NEBL: variants seen among roughly 807,000 people sequenced by gnomAD.
NEBL encodes nebulette.
A neutral mutation model predicts 140.2 loss-of-function variants in NEBL; 122 were observed. That is an observed-to-expected ratio of 0.87 (90% confidence interval 0.75 to 1.01). The LOEUF is 1.01. NEBL is among the 50% of genes least tolerant of loss of function. NEBL has a pLI of 0.00. For missense variants in NEBL, 1,365 were observed against 1,231.3 expected (o/e 1.11, Z -1.62); for synonymous variants, 436 against 398.9 (o/e 1.09, Z -1.11).
chr10:20,835,857 T>C (rs752627540), intron 13 of NEBL, among the ~76,000 whole-genome samples: 43 of 152,294 alleles, frequency 2.8e-4, no homozygotes, highest in Middle Eastern at 3.4e-3. Flanking sequence ...ACAAAGGCAA[T>C]TGCCATGTGA....
chr10:20,824,103 C>G (rs568377139), intron 18 of NEBL, among the ~76,000 whole-genome samples: 1 of 152,206 alleles, frequency 6.6e-6, no homozygotes, highest in South Asian at 2.1e-4. Flanking sequence ...ATTAGTGATA[C>G]TATCAATTCA....
intron 2 of NEBL, chr10:21,020,347 T>C (rs1334393506): frequency 1.4e-5 from 10 of 716,096 alleles, no homozygotes; most frequent in Non-Finnish European, 2.5e-5. Context: ...CATCTCTCTG[T>C]CATTATTCCA....
At chr10:21,239,514 T>C (rs1297400891) in intron 3 of NEBL, among the ~76,000 whole-genome samples, 1 of 152,014 alleles carries the variant, frequency 6.6e-6, no homozygotes, top group Non-Finnish European at 1.5e-5. Context: ...TGAAAGGACT[T>C]ATCTGCAAGA....
chr10:20,855,603 A>T (rs771927582), intron 9 of NEBL, among the ~76,000 whole-genome samples: 1 of 152,102 alleles, frequency 6.6e-6, no homozygotes, highest in Non-Finnish European at 1.5e-5. Context: ...CTTATATAAC[A>T]GTCTCTGCTA....
intron 4 of NEBL, among the ~76,000 whole-genome samples, chr10:20,942,291 T>C (rs1834913953): frequency 6.6e-6 from 1 of 152,176 alleles, no homozygotes; most frequent in Admixed American, 6.5e-5. Flanking sequence ...GCCGCATATC[T>C]ACAACCATCT....
At chr10:21,279,325 G>A (rs1463049195) in intron 1 of NEBL, among the ~76,000 whole-genome samples, 2 of 119,264 alleles carry the variant, frequency 1.7e-5, no homozygotes, top group African/African-American at 3.2e-5. Flanking sequence ...GTCTCCCTCT[G>A]CTCCCTCTGT....
At chr10:21,164,984 T>A (rs1840703431) in intron 2 of NEBL, among the ~76,000 whole-genome samples, 1 of 152,250 alleles carries the variant, frequency 6.6e-6, no homozygotes, top group East Asian at 1.9e-4. Context: ...TGCCACAATA[T>A]CCTTCCATAG....
intron 16 of NEBL, among the ~76,000 whole-genome samples, chr10:20,829,815 T>A (rs949771310): frequency 3.9e-5 from 6 of 152,160 alleles, no homozygotes; most frequent in Non-Finnish European, 8.8e-5. Flanking sequence ...GGTGTATATA[T>A]CATGGTTGTA....
At chr10:20,808,383 TA>T (rs1837803785) in intron 26 of NEBL, 126 bp downstream of exon 26, 1 of 1,021,384 alleles carries the variant, frequency 9.8e-7, no homozygotes. Flanking sequence ...TTTCTGAACT[TA>T]ATTTTAAATT....
intron 2 of NEBL, among the ~76,000 whole-genome samples, chr10:21,084,133 G>T (rs999751742): frequency 1.1e-4 from 16 of 152,256 alleles, no homozygotes; most frequent in Non-Finnish European, 2.1e-4. Context: ...TGTGGTCCCA[G>T]ATTGGGTATT....
intron 7 of NEBL, among the ~76,000 whole-genome samples, chr10:20,863,962 A>G (rs1230624507): frequency 6.6e-6 from 1 of 152,142 alleles, no homozygotes; most frequent in Non-Finnish European, 1.5e-5. Context: ...AGAATGGTAA[A>G]TTCCCCAAAC....
At chr10:21,192,484 G>A (rs973124482) in intron 3 of NEBL, among the ~76,000 whole-genome samples, 7 of 150,926 alleles carry the variant, frequency 4.6e-5, no homozygotes, top group African/African-American at 7.3e-5. Flanking sequence ...GAGCCACCGC[G>A]CCCGGCCAAT....
In NEBL at chr10:20,930,589, A is replaced by G. The variant is rs373511767; in HGVS notation, c.357+31083T>C. Among the ~76,000 whole-genome samples, 8 of 152,172 alleles carry G rather than the reference A, an allele frequency of 5.3e-5. No homozygotes were observed. In the South Asian group the frequency reaches 1.2e-3, roughly 24 times the overall value. ...CCTAGTCTCTCCTACTAAATCCTAC[A>G]CCAGTTCCCCTTTTGCTCAGTCCAG... On this transcript the variant is annotated intron_variant, in intron 4 of 6. Transcript: ENST00000417816.
chr10:21,051,530 A>G (rs1237143653), intron 2 of NEBL, among the ~76,000 whole-genome samples: 2 of 152,218 alleles, frequency 1.3e-5, no homozygotes, highest in Non-Finnish European at 2.9e-5. Context: ...AAATGAAAAG[A>G]GAATCAAAGT....
intron 1 of NEBL, among the ~76,000 whole-genome samples, chr10:21,286,772 G>A (rs1473578322): frequency 6.6e-6 from 1 of 152,126 alleles, no homozygotes; most frequent in African/African-American, 2.4e-5. Context: ...TTGGGAGGCG[G>A]AGGTTGCAGT....
chr10:21,078,567 C>T (rs11012513), intron 2 of NEBL, among the ~76,000 whole-genome samples: 15,775 of 152,180 alleles, frequency 0.1, 869 homozygotes, highest in South Asian at 0.16. Flanking sequence ...AGCCCCCATC[C>T]CTCAGTTTTT....
intron 4 of NEBL, among the ~76,000 whole-genome samples, chr10:20,960,769 T>A (rs1343358583): frequency 6.6e-6 from 1 of 151,958 alleles, no homozygotes; most frequent in African/African-American, 2.4e-5. Flanking sequence ...CAAATATCAG[T>A]GAGTTTAAAA....
intron 2 of NEBL, among the ~76,000 whole-genome samples, chr10:21,027,276 T>C (rs558198480): frequency 1.3e-5 from 2 of 151,310 alleles, no homozygotes; most frequent in South Asian, 2.1e-4. Context: ...GGAAGAAGTA[T>C]ACTAAATATT....
At chr10:21,282,197 T>C (rs184481406) in intron 1 of NEBL, among the ~76,000 whole-genome samples, 21 of 152,260 alleles carry the variant, frequency 1.4e-4, no homozygotes, top group African/African-American at 4.8e-4. Flanking sequence ...CAGAAGTGAA[T>C]ATGTAGATTT....
Sources: gnomAD v4.1 joint callset for allele counts (sites outside exome capture counted in the v4.1 genomes callset) on GRCh38, gnomAD v4.1.1 for gene constraint, MANE v1.5 for transcripts, NCBI Gene and HGNC (gene_info 2026-07-23, HGNC 2026-07-21) for gene names.